The following KHDRBS2 variants were observed in gnomAD, a reference collection of about 807,000 sequenced individuals.
KHDRBS2 encodes the protein KH RNA binding domain containing, signal transduction associated 2.
A neutral mutation model predicts 44.3 loss-of-function variants in KHDRBS2; 26 were observed. The observed-to-expected ratio is 0.59, with a 90% CI of 0.43 to 0.81. The LOEUF (loss-of-function observed/expected upper bound fraction) is 0.81, where lower values mean the gene tolerates loss of function less well. Among genes scored for constraint, KHDRBS2 ranks in the 40% least tolerant of loss-of-function variants. The pLI, the probability that KHDRBS2 is intolerant of heterozygous loss-of-function variation, is 0.00. For missense variants in KHDRBS2, 476 were observed against 433.1 expected (o/e 1.10, Z -0.88); for synonymous variants, 194 against 151.1 (o/e 1.28, Z -2.08).
chr6:62,005,703 A>T (rs1336562831), intron 3 of KHDRBS2, among the ~76,000 whole-genome samples: 1 of 151,806 alleles, frequency 6.6e-6, no homozygotes, highest in East Asian at 1.9e-4. Context: ...GTGAATAAAG[A>T]ATATAAAATA....
intron 2 of KHDRBS2, among the ~76,000 whole-genome samples, chr6:62,152,997 G>A (rs1320304727): frequency 6.6e-6 from 1 of 152,236 alleles, no homozygotes; most frequent in Non-Finnish European, 1.5e-5. Context: ...TGGCCCACAT[G>A]TGGCTCACTG....
intron 2 of KHDRBS2, among the ~76,000 whole-genome samples, chr6:62,134,129 G>C (rs954464093): frequency 6.6e-6 from 1 of 152,128 alleles, no homozygotes; most frequent in African/African-American, 2.4e-5. Context: ...GACCTTTCCA[G>C]CAGCACCTCT....
At chr6:61,938,429 T>C (rs1297324857) in intron 4 of KHDRBS2, among the ~76,000 whole-genome samples, 1 of 152,150 alleles carries the variant, frequency 6.6e-6, no homozygotes, top group Non-Finnish European at 1.5e-5. Flanking sequence ...ACAATCATGA[T>C]TATATCACTG....
At chr6:62,131,102 G>A (rs1473840543) in intron 2 of KHDRBS2, among the ~76,000 whole-genome samples, 1 of 151,998 alleles carries the variant, frequency 6.6e-6, no homozygotes, top group Non-Finnish European at 1.5e-5. Context: ...AATATATCTT[G>A]TAATCAGAAT....
intron 2 of KHDRBS2, among the ~76,000 whole-genome samples, chr6:62,059,201 T>G (rs1471485240): frequency 1.2e-5 from 1 of 84,222 alleles, no homozygotes; most frequent in Non-Finnish European, 2.3e-5. Context: ...TTAGGAAGTT[T>G]TTTTTTTTTT....
chr6:62,211,271 C>T (rs1828996914), intron 1 of KHDRBS2, among the ~76,000 whole-genome samples: 1 of 138,240 alleles, frequency 7.2e-6, no homozygotes, highest in African/African-American at 3.2e-5. Context: ...TAGAAGTTTG[C>T]CTAAATTTAG....
At chr6:62,066,312 C>A (rs1319813490) in intron 2 of KHDRBS2, among the ~76,000 whole-genome samples, 4 of 151,688 alleles carry the variant, frequency 2.6e-5, no homozygotes, top group Admixed American at 6.6e-5. Context: ...ACACTCAGTA[C>A]AGTGAAATGT....
chr6:61,687,571 T>A (rs1455302065), intron 8 of KHDRBS2, among the ~76,000 whole-genome samples: 1 of 151,912 alleles, frequency 6.6e-6, no homozygotes, highest in Non-Finnish European at 1.5e-5. Flanking sequence ...GCATTTGCAT[T>A]ACTATCCTGC....
intron 1 of KHDRBS2, among the ~76,000 whole-genome samples, chr6:62,194,059 C>A (rs1825131209): frequency 6.6e-6 from 1 of 152,088 alleles, no homozygotes; most frequent in Non-Finnish European, 1.5e-5. Context: ...TTTGCACCCA[C>A]AAAAGTTGTA....
chr6:61,608,621 A>T, the KHDRBS2 span, among the ~76,000 whole-genome samples: 1 of 140,734 alleles, frequency 7.1e-6, no homozygotes, highest in East Asian at 2.3e-4. Context: ...CCAGTGTGTG[A>T]TGTTCCCCTC....
rs1453153815 is a variant in KHDRBS2 at position 62,282,713 on chromosome 6, A to C, written c.91+3145T>G. Among the ~76,000 whole-genome samples, 6 of 152,310 alleles carry C rather than the reference A, an allele frequency of 3.9e-5. No homozygotes were observed. In the East Asian group the frequency reaches 1.2e-3, roughly 29 times the overall value. ...ATTTTAGTGCCATAAATATATTATT[A>C]ATCATTAAACTAGGAAAGAATGAAA... On this transcript the variant is annotated intron_variant, in intron 1 of 8. Coordinates refer to ENST00000281156, the MANE Select transcript of KHDRBS2 (RefSeq NM_152688.4).
At chr6:62,091,316 G>A (rs1408207704) in intron 2 of KHDRBS2, among the ~76,000 whole-genome samples, 3 of 152,012 alleles carry the variant, frequency 2.0e-5, no homozygotes, top group Non-Finnish European at 2.9e-5. Flanking sequence ...AATACATACA[G>A]ATTTCTAATT....
chr6:61,856,292 T>C (rs533054605), intron 6 of KHDRBS2, among the ~76,000 whole-genome samples: 2 of 152,164 alleles, frequency 1.3e-5, no homozygotes, highest in South Asian at 4.1e-4. Flanking sequence ...GCTACTGTAA[T>C]GGAGAACAAG....
the KHDRBS2 span, among the ~76,000 whole-genome samples, chr6:61,638,227 G>A: frequency 0.024 from 3,719 of 152,096 alleles, 69 homozygotes; most frequent in Middle Eastern, 0.083. Flanking sequence ...GAACAAAGCT[G>A]GAGGCATCAC....
chr6:61,926,888 G>GT lies in KHDRBS2; in HGVS notation c.484-25518dup, dbSNP rs139821784. ...CTGTTTTCCTGGATTTCTTAGTTAG[G>GT]TTTTTTTTTTCAAGCTGTTCTCTTA... On this transcript the variant is annotated intron_variant, in intron 4 of 8. Coordinates refer to ENST00000281156, the MANE Select transcript of KHDRBS2 (RefSeq NM_152688.4). 4.3e-3 allele frequency among the ~76,000 whole-genome samples: 632 copies of GT among 148,402 alleles called. 3 individuals carry two copies. Among genetic ancestry groups the GT allele is most frequent in the African/African-American group, 9.2e-3 (371 of 40,526 alleles).
chr6:61,595,213 T>C, the KHDRBS2 span, among the ~76,000 whole-genome samples: 2 of 152,150 alleles, frequency 1.3e-5, no homozygotes, highest in Non-Finnish European at 2.9e-5. Context: ...GCAATCCCAT[T>C]GCTAGGTATC....
chr6:61,800,610 C>A (rs1786102427), intron 6 of KHDRBS2, among the ~76,000 whole-genome samples: 1 of 152,044 alleles, frequency 6.6e-6, no homozygotes, highest in Non-Finnish European at 1.5e-5. Context: ...TGACTCTGGA[C>A]TTTTTTCAAC....
At chr6:61,678,194 A>T (rs910940789), downstream of KHDRBS2, among the ~76,000 whole-genome samples, 17 of 151,986 alleles carry the variant, frequency 1.1e-4, no homozygotes, top group Non-Finnish European at 2.1e-4. Flanking sequence ...TGCGTTAAAC[A>T]TCACACTAAG....
chr6:61,611,531 T>C, the KHDRBS2 span, among the ~76,000 whole-genome samples: 1 of 152,214 alleles, frequency 6.6e-6, no homozygotes, highest in Admixed American at 6.5e-5. Flanking sequence ...TGTTGTAACT[T>C]GTAAATCTTA....
Sources: allele counts gnomAD v4.1 joint callset (sites outside exome capture counted in the v4.1 genomes callset), GRCh38; gene constraint gnomAD v4.1.1; transcripts MANE v1.5; gene names NCBI Gene and HGNC (gene_info 2026-07-23, HGNC 2026-07-21).